EXOC4: variants seen among roughly 807,000 people sequenced by gnomAD.
The protein encoded by EXOC4 is exocyst complex component 4.
EXOC4 carries 71 observed loss-of-function variants against 107.2 expected under a neutral mutation model. That is an observed-to-expected ratio of 0.66 (90% confidence interval 0.55 to 0.81). The LOEUF (loss-of-function observed/expected upper bound fraction) is 0.81. EXOC4 is among the 30% of genes least tolerant of loss of function. The probability of loss-of-function intolerance (pLI) is 0.00; values close to 1 mark genes in which losing one functional copy is unlikely to be tolerated. For missense variants in EXOC4, 1,108 were observed against 1,189.6 expected, an observed-to-expected ratio of 0.93 and a Z score of 1.01; for synonymous variants, 456 against 441.2, an observed-to-expected ratio of 1.03 and a Z score of -0.42.
At chr7:133,293,233 A>T (rs1794446038) in intron 3 of EXOC4, among the ~76,000 whole-genome samples, 1 of 152,198 alleles carries the variant, frequency 6.6e-6, no homozygotes, top group Non-Finnish European at 1.5e-5. Flanking sequence ...TGCACTTAAA[A>T]GGTTGGAGAT....
At chr7:133,632,625 A>G (rs1451834382) in intron 10 of EXOC4, among the ~76,000 whole-genome samples, 1 of 152,188 alleles carries the variant, frequency 6.6e-6, no homozygotes, top group Non-Finnish European at 1.5e-5. Flanking sequence ...TTTGTAATGA[A>G]ACGAACCAGT....
At chr7:133,812,703 A>C (rs1460201341) in intron 10 of EXOC4, among the ~76,000 whole-genome samples, 2 of 152,158 alleles carry the variant, frequency 1.3e-5, no homozygotes, top group African/African-American at 2.4e-5. Flanking sequence ...GGCTACATTG[A>C]GCTAAGTAAC....
At chr7:133,720,637 C>CA (rs1248275367) in intron 10 of EXOC4, among the ~76,000 whole-genome samples, 32 of 151,880 alleles carry the variant, frequency 2.1e-4, no homozygotes, top group African/African-American at 7.3e-4. Context: ...GTTAAAATAC[C>CA]AAAGAAAAAT....
intron 3 of EXOC4, among the ~76,000 whole-genome samples, chr7:133,299,848 T>C (rs1380892373): frequency 6.6e-6 from 1 of 152,192 alleles, no homozygotes; most frequent in Non-Finnish European, 1.5e-5. Context: ...CTCATTTACA[T>C]TGACATATGC....
intron 8 of EXOC4, among the ~76,000 whole-genome samples, chr7:133,477,114 C>A (rs2150852242): frequency 6.6e-6 from 1 of 152,280 alleles, no homozygotes; most frequent in African/African-American, 2.4e-5. Context: ...TATTTAACAT[C>A]TTGTATTAGC....
chr7:133,432,503 C>A (rs987897242), intron 7 of EXOC4, among the ~76,000 whole-genome samples: 5 of 152,092 alleles, frequency 3.3e-5, no homozygotes, highest in African/African-American at 1.2e-4. Context: ...ATATAAGTAT[C>A]ATGTTTATGT....
At position 134,023,197 on chromosome 7, in the gene EXOC4, A is replaced by G. The variant is rs533940249; in HGVS notation, c.2687+15362A>G. Among the ~76,000 whole-genome samples the G allele has an allele frequency of 2.6e-5, 4 of 152,346 alleles. No individual in the cohort carries two copies. The South Asian group carries it at 6.2e-4, about 24-fold the overall frequency. The stretch of plus-strand genomic sequence containing the variant: ...AGAATATCCCATCCATTACCAAAGA[A>G]GAATACTACTACAATTAGTATAGTT... On this transcript the variant is annotated intron_variant, in intron 17 of 17. Transcript: ENST00000253861.
At chr7:133,277,518 A>G (rs1794023767) in intron 2 of EXOC4, among the ~76,000 whole-genome samples, 1 of 152,250 alleles carries the variant, frequency 6.6e-6, no homozygotes, top group Admixed American at 6.5e-5. Context: ...CCTGATATTG[A>G]AAAAGAGCCT....
chr7:133,780,887 A>G (rs1796451737), intron 10 of EXOC4, among the ~76,000 whole-genome samples: 1 of 152,192 alleles, frequency 6.6e-6, no homozygotes, highest in South Asian at 2.1e-4. Flanking sequence ...AGAACTGTGA[A>G]TTTTTATCTC....
intron 7 of EXOC4, among the ~76,000 whole-genome samples, chr7:133,393,105 A>G (rs1447932138): frequency 1.3e-5 from 2 of 152,046 alleles, no homozygotes; most frequent in Admixed American, 6.5e-5. Context: ...TCATCTCTGA[A>G]TACCTTCTCT....
At chr7:133,622,154 G>C (rs1257488477) in intron 9 of EXOC4, among the ~76,000 whole-genome samples, 2 of 152,120 alleles carry the variant, frequency 1.3e-5, no homozygotes, top group East Asian at 1.9e-4. Flanking sequence ...TTTTAATTTT[G>C]TGTAGAGATA....
intron 11 of EXOC4, among the ~76,000 whole-genome samples, chr7:133,850,280 G>C (rs1462176649): frequency 6.6e-6 from 1 of 152,106 alleles, no homozygotes; most frequent in South Asian, 2.1e-4. Context: ...ATTCTAAGGA[G>C]AAAAGAATTC....
intron 10 of EXOC4, among the ~76,000 whole-genome samples, chr7:133,784,790 G>T (rs1796535468): frequency 6.6e-6 from 1 of 152,160 alleles, no homozygotes; most frequent in South Asian, 2.1e-4. Flanking sequence ...GAGGCTGGAA[G>T]GCCATGTGGT....
intron 7 of EXOC4, among the ~76,000 whole-genome samples, chr7:133,456,059 G>A (rs186173594): frequency 3.3e-5 from 5 of 152,222 alleles, no homozygotes; most frequent in African/African-American, 1.2e-4. Context: ...ATCAATATAC[G>A]TGTATTCTGC....
At chr7:133,321,740 G>T (rs1463178199) in intron 5 of EXOC4, among the ~76,000 whole-genome samples, 1 of 152,224 alleles carries the variant, frequency 6.6e-6, no homozygotes, top group Non-Finnish European at 1.5e-5. Flanking sequence ...TATATACCCA[G>T]TAATGGGATT....
chr7:133,508,290 G>A (rs888973959), intron 9 of EXOC4, among the ~76,000 whole-genome samples: 6 of 152,120 alleles, frequency 3.9e-5, no homozygotes, highest in Non-Finnish European at 8.8e-5. Context: ...TGTGAACACA[G>A]CTTGCAGGAC....
chr7:133,617,201 G>C (rs943162526), intron 9 of EXOC4, among the ~76,000 whole-genome samples: 1 of 152,062 alleles, frequency 6.6e-6, no homozygotes, highest in African/African-American at 2.4e-5. Flanking sequence ...TATTTATAGT[G>C]ATTGCCTTAG....
At chr7:134,076,703 T>TTG in the EXOC4 span, among the ~76,000 whole-genome samples, 559 of 102,436 alleles carry the variant, frequency 5.5e-3, 4 homozygotes, top group African/African-American at 0.017. Context: ...TCATCTATAA[T>TTG]TGTATATATA....
the EXOC4 span, among the ~76,000 whole-genome samples, chr7:134,082,579 T>C: frequency 2.6e-5 from 4 of 152,194 alleles, no homozygotes; most frequent in African/African-American, 9.6e-5. Context: ...TAGCTGGGAC[T>C]ACAGGCACAT....
Sources: allele counts gnomAD v4.1 joint callset (sites outside exome capture counted in the v4.1 genomes callset), GRCh38; gene constraint gnomAD v4.1.1; transcripts MANE v1.5; gene names NCBI Gene and HGNC (gene_info 2026-07-23, HGNC 2026-07-21).